TRAPPC9: variants seen among roughly 807,000 people sequenced by gnomAD.
TRAPPC9 encodes the protein IKK2 binding protein.
A neutral mutation model predicts 124.0 loss-of-function variants in TRAPPC9; 83 were observed. That is an observed-to-expected ratio of 0.67 (90% confidence interval 0.56 to 0.80). The LOEUF (loss-of-function observed/expected upper bound fraction) is 0.80, where lower values mean the gene tolerates loss of function less well. TRAPPC9 is among the 30% of genes least tolerant of loss of function. TRAPPC9 has a pLI of 0.00. For synonymous variants in TRAPPC9, 638 were observed against 617.5 expected (o/e 1.03, Z -0.49); for missense variants, 1,302 against 1,508.3 (o/e 0.86, Z 2.27).
intron 19 of TRAPPC9, among the ~76,000 whole-genome samples, chr8:139,980,931 G>C (rs546963449): frequency 6.6e-6 from 1 of 152,170 alleles, no homozygotes; most frequent in South Asian, 2.1e-4. Context: ...ACCTCCTGTC[G>C]AAGGTTTCTG....
chr8:140,193,023 C>T (rs554796432), intron 17 of TRAPPC9, among the ~76,000 whole-genome samples: 6 of 152,216 alleles, frequency 3.9e-5, no homozygotes, highest in African/African-American at 7.2e-5. Context: ...CCGCCCGCCT[C>T]GGCCTCCTAA....
intron 5 of TRAPPC9, among the ~76,000 whole-genome samples, chr8:140,423,606 ACAC>A (rs1376162237): frequency 6.6e-6 from 1 of 151,638 alleles, no homozygotes; most frequent in African/African-American, 2.4e-5. Context: ...ACACACACAC[ACAC>A]ATCACATATA....
intron 20 of TRAPPC9, among the ~76,000 whole-genome samples, chr8:139,902,812 G>GAT (rs1353243389): frequency 1.3e-5 from 2 of 152,178 alleles, no homozygotes; most frequent in Admixed American, 6.5e-5. Flanking sequence ...TGAAAGGGAG[G>GAT]ATAGCTCAGC....
At chr8:139,905,628 T>C (rs1831306465) in intron 20 of TRAPPC9, among the ~76,000 whole-genome samples, 1 of 152,034 alleles carries the variant, frequency 6.6e-6, no homozygotes, top group Admixed American at 6.5e-5. Flanking sequence ...ACTGCCTGTG[T>C]CTGACCAGGT....
intron 21 of TRAPPC9, among the ~76,000 whole-genome samples, chr8:139,831,104 C>A (rs1010140817): frequency 6.6e-6 from 1 of 152,192 alleles, no homozygotes; most frequent in Non-Finnish European, 1.5e-5. Context: ...CCTGTGGGCA[C>A]TCAGTGGGCA....
intron 21 of TRAPPC9, among the ~76,000 whole-genome samples, chr8:139,770,295 ACCTGAAGAAGCCCTGGCTC>A (rs2130436806): frequency 6.6e-6 from 1 of 152,294 alleles, no homozygotes; most frequent in Admixed American, 6.5e-5. Context: ...TGGGACCTCG[ACCTGAAGAAGCCCTGGCTC>A]CCGGAAGCCG....
At chr8:140,192,126 G>A (rs1030346403) in intron 17 of TRAPPC9, among the ~76,000 whole-genome samples, 4 of 152,174 alleles carry the variant, frequency 2.6e-5, no homozygotes, top group Admixed American at 2.0e-4. Context: ...AATCAGCTGT[G>A]TTCATTTCTA....
intron 4 of TRAPPC9, among the ~76,000 whole-genome samples, chr8:140,427,880 A>T (rs769613053): frequency 3.9e-5 from 6 of 152,198 alleles, no homozygotes; most frequent in Non-Finnish European, 5.9e-5. Flanking sequence ...TTTTCCATTG[A>T]ATAACACCTT....
intron 17 of TRAPPC9, among the ~76,000 whole-genome samples, chr8:140,126,596 T>C (rs2061102729): frequency 3.3e-5 from 5 of 152,244 alleles, no homozygotes. Context: ...AATGACATCA[T>C]CTGTCACAAC....
At chr8:139,953,412 G>A (rs1489462744) in intron 19 of TRAPPC9, among the ~76,000 whole-genome samples, 1 of 152,156 alleles carries the variant, frequency 6.6e-6, no homozygotes, top group East Asian at 1.9e-4. Context: ...AGAATCGCTT[G>A]AACCCAGGAG....
At chr8:140,346,127 G>A (rs2132087277) in intron 9 of TRAPPC9, among the ~76,000 whole-genome samples, 1 of 152,350 alleles carries the variant, frequency 6.6e-6, no homozygotes, top group African/African-American at 2.4e-5. Context: ...AAGGTAGGAT[G>A]GCACCAAATA....
chr8:139,964,329 CAGAT>C (rs1195572544), intron 19 of TRAPPC9, among the ~76,000 whole-genome samples: 7 of 151,672 alleles, frequency 4.6e-5, no homozygotes, highest in Non-Finnish European at 1.0e-4. Flanking sequence ...TCCAGACTGA[CAGAT>C]GGATGGTGGT....
At position 139,788,451 on chromosome 8, in the gene TRAPPC9, C is replaced by T. The variant is rs1333121283; in HGVS notation, c.3056-56249G>A. Among the ~76,000 whole-genome samples the T allele has an allele frequency of 2.0e-5, 3 of 152,180 alleles. No homozygotes were observed. Among genetic ancestry groups the T allele is most frequent in the Non-Finnish European group, 4.4e-5 (3 of 68,040 alleles). On this transcript the variant is annotated intron_variant, in intron 21 of 22. Coordinates refer to ENST00000438773, the MANE Select transcript of TRAPPC9 (RefSeq NM_001160372.4). The surrounding 1 kb of genome is among the most constrained non-coding windows in gnomAD (Gnocchi z 4.9). ...TGCTGGGGAGGGAGAGCGGGAGCTGCGGAGGATCCCAGCCTGGCCCTTCCT... is the reference window on the plus strand; with the variant it reads ...TGCTGGGGAGGGAGAGCGGGAGCTGTGGAGGATCCCAGCCTGGCCCTTCCT...
Position 140,389,018 on chromosome 8 carries a change from C to T in TRAPPC9, c.1134+8602G>A, listed in dbSNP as rs563359666. ...TGTCACCCAGGCTGGAGTGCAATGG[C>T]GCGATCTCAGCTCACTGCAACCTCC... is the stretch of plus-strand genomic sequence containing the variant. On this transcript the variant is annotated intron_variant, in intron 7 of 22. Transcript: ENST00000438773. Among the ~76,000 whole-genome samples, 135 of 138,806 alleles carry T rather than the reference C, an allele frequency of 9.7e-4. 1 individual carries two copies. Among genetic ancestry groups the T allele is most frequent in the South Asian group, 5.5e-3 (23 of 4,194 alleles). The allele number at this position is 138,806 out of a possible 152,430, so 91.1% of individuals were successfully genotyped here. A position where few individuals can be genotyped will look rare whatever the true frequency, so the allele number is the denominator to read the frequency against.
intron 17 of TRAPPC9, among the ~76,000 whole-genome samples, chr8:140,085,792 G>A (rs572574862): frequency 3.9e-5 from 6 of 152,304 alleles, no homozygotes; most frequent in African/African-American, 1.4e-4. Flanking sequence ...GATCTGGCGC[G>A]TTCCACATGG....
intron 20 of TRAPPC9, among the ~76,000 whole-genome samples, chr8:139,898,068 C>T (rs1471498508): frequency 6.6e-6 from 1 of 152,200 alleles, no homozygotes; most frequent in African/African-American, 2.4e-5. Flanking sequence ...TCAGCTCGTC[C>T]CCTGCCAGTG....
At chr8:140,201,052 C>G (rs1013099727) in intron 17 of TRAPPC9, among the ~76,000 whole-genome samples, 7 of 152,186 alleles carry the variant, frequency 4.6e-5, no homozygotes, top group African/African-American at 1.7e-4. Context: ...CACCACCGTG[C>G]TATTCTAACG....
rs1438114080 is a variant in TRAPPC9, at chr8:139,825,824, T to C, written c.3055+60055A>G. On this transcript the variant is annotated intron_variant, in intron 21 of 22. Coordinates refer to ENST00000438773, the MANE Select transcript of TRAPPC9 (RefSeq NM_001160372.4). The surrounding 1 kb of genome is among the most constrained non-coding windows in gnomAD (Gnocchi z 4.6). ...GTGAGACGATGGCCGGAGCTGAGTG[T>C]CAACGCCCAAGGATTTCCAGGGCTT... 6.6e-6 allele frequency among the ~76,000 whole-genome samples: 1 copy of C among 151,570 alleles called. No homozygotes were observed. Among genetic ancestry groups the C allele is most frequent in the South Asian group, 2.1e-4 (1 of 4,778 alleles).
intron 17 of TRAPPC9, among the ~76,000 whole-genome samples, chr8:140,047,322 G>A (rs2132063361): frequency 6.6e-6 from 1 of 152,330 alleles, no homozygotes; most frequent in East Asian, 1.9e-4. Context: ...AGTGCACGGG[G>A]GACAGCTCGC....
Sources: gnomAD v4.1 joint callset for allele counts (sites outside exome capture counted in the v4.1 genomes callset) on GRCh38, gnomAD v4.1.1 for gene constraint, Gnocchi (gnomAD v3.1) non-coding constraint, MANE v1.5 for transcripts, NCBI Gene and HGNC (gene_info 2026-07-23, HGNC 2026-07-21) for gene names.